The following NSD3 variants were observed in gnomAD, a reference collection of about 807,000 sequenced individuals.
NSD3 encodes histone-lysine N-methyltransferase NSD3.
In NSD3, 24 loss-of-function variants were observed where a neutral mutation model predicts 160.8. The ratio of observed to expected loss-of-function variants is 0.15; its 90% CI spans 0.11 to 0.21. NSD3 has a LOEUF of 0.21. Ranked by LOEUF, NSD3 falls within the 10% of genes least tolerant of loss-of-function variation. NSD3 has a pLI of 1.00. For synonymous variants in NSD3, 520 were observed against 600.0 expected, an observed-to-expected ratio of 0.87 and a Z score of 1.95; for missense variants, 1,157 against 1,735.9, an observed-to-expected ratio of 0.67 and a Z score of 5.93.
intron 18 of NSD3, 135 bp downstream of exon 18, chr8:38,289,258 C>T (rs1419339877): frequency 2.5e-6 from 2 of 807,288 alleles, no homozygotes; most frequent in Admixed American, 5.9e-5. Flanking sequence ...AAAGTTTGCA[C>T]AAGTCAAAGA....
chr8:38,359,219 G>A (rs1168762258), intron 1 of NSD3, among the ~76,000 whole-genome samples: 1 of 152,022 alleles, frequency 6.6e-6, no homozygotes, highest in African/African-American at 2.4e-5. Context: ...AAATAATGGA[G>A]GTAAGTTTTT....
rs762842188 is a variant in NSD3, at chr8:38,305,269, C to G, written c.2419G>C (p.Asp807His). 7 of 1,614,104 alleles carry G rather than the reference C, an allele frequency of 4.3e-6. No homozygotes were observed. In the East Asian group the frequency reaches 1.3e-4, roughly 31 times the overall value. The change falls in exon 13 of 24, where the codon GAT becomes CAT. Residue 807 changes from aspartate (D) to histidine (H), a missense_variant. Physicochemically the swap from Asp to His is moderately conservative, Grantham distance 81. Coordinates refer to ENST00000317025, the MANE Select transcript of NSD3 (RefSeq NM_023034.2). ...TTACCTTTACTTGCTTTGTGGATAT[C>G]TTTCTCCATAGAGCAGGCAGAGCAG... is the stretch of plus-strand genomic sequence containing the variant. ...HCCSACSMEK[D>H]IHKASKGRMM...
At chr8:38,283,344 T>C (rs1447715593) in intron 19 of NSD3, among the ~76,000 whole-genome samples, 1 of 152,130 alleles carries the variant, frequency 6.6e-6, no homozygotes, top group Non-Finnish European at 1.5e-5. Context: ...AATAAATGTC[T>C]TGAAAAACAA....
At position 38,335,036 on chromosome 8, in the gene NSD3, G is replaced by A. The variant is rs1174104769; in HGVS notation, c.910+2269C>T. On this transcript the variant is annotated intron_variant, in intron 4 of 23. Coordinates refer to ENST00000317025, the MANE Select transcript of NSD3 (RefSeq NM_023034.2). ...GTCTCACTCTGTCACCCAGACTGGA[G>A]TGAAGTGGTGGATCTCGGCTCACTG... Among the ~76,000 whole-genome samples, 3 of 148,370 alleles carry A rather than the reference G, an allele frequency of 2.0e-5. No homozygotes were observed. The East Asian group carries it at 6.0e-4, about 30-fold the overall frequency.
intron 1 of NSD3, among the ~76,000 whole-genome samples, chr8:38,374,823 T>C (rs1228740238): frequency 6.6e-6 from 1 of 151,796 alleles, no homozygotes; most frequent in Non-Finnish European, 1.5e-5. Context: ...GCTAACACGG[T>C]GAAAACCCAT....
chr8:38,326,885 CA>C (rs745837979), intron 6 of NSD3, 29 bp from the exon 7 acceptor site: 1 of 1,611,350 alleles, frequency 6.2e-7, no homozygotes, highest in African/African-American at 1.3e-5. Flanking sequence ...GAAAAAACAA[CA>C]AAACAGGTGA....
At position 38,317,447 on chromosome 8, in the gene NSD3, C is replaced by T; in HGVS notation, c.1856-1405G>A. On this transcript the variant is annotated intron_variant, in intron 9 of 23. Transcript: ENST00000317025. The surrounding 1 kb of genome is among the most constrained non-coding windows in gnomAD (Gnocchi z 5.3). ...GGAACAGGAGTGCTGTACTGAGAGG[C>T]TTTCGAAGGGAAACACAGGTACCGC... is the stretch of plus-strand genomic sequence containing the variant. 9.5e-7 allele frequency: 1 copy of T among 1,057,282 alleles called. No individual in the cohort carries two copies. Among genetic ancestry groups the T allele is most frequent in the Non-Finnish European group, 1.1e-6 (1 of 874,284 alleles). 65.5% of individuals were successfully genotyped at this position (1,057,282 alleles called of 1,614,324 possible). A position where few individuals can be genotyped will look rare whatever the true frequency, so the allele number is the denominator to read the frequency against.
chr8:38,373,796 A>T (rs72630617), intron 1 of NSD3, among the ~76,000 whole-genome samples: 33,752 of 151,754 alleles, frequency 0.22, 4,004 homozygotes, highest in East Asian at 0.31. Context: ...CTACAAAAAA[A>T]TTTTAAAAAA....
intron 12 of NSD3, among the ~76,000 whole-genome samples, chr8:38,309,012 A>G (rs1391575069): frequency 6.6e-6 from 1 of 151,900 alleles, no homozygotes; most frequent in Non-Finnish European, 1.5e-5. Flanking sequence ...TTTCATTAAG[A>G]ACAAGTCAGT....
intron 14 of NSD3, among the ~76,000 whole-genome samples, chr8:38,302,826 G>A (rs187239586): frequency 5.9e-5 from 9 of 152,170 alleles, no homozygotes; most frequent in Non-Finnish European, 5.9e-5. Flanking sequence ...GTAGAGATGG[G>A]GTCTTGCTAT....
intron 1 of NSD3, among the ~76,000 whole-genome samples, chr8:38,350,692 G>T (rs940452090): frequency 6.6e-6 from 1 of 151,990 alleles, no homozygotes; most frequent in Non-Finnish European, 1.5e-5. Flanking sequence ...TGGGGTCCTG[G>T]GCATAAGTTT....
At chr8:38,315,605 T>C in intron 10 of NSD3, 61 bp from the exon 11 acceptor site, 2 of 1,593,704 alleles carry the variant, frequency 1.3e-6, no homozygotes, top group Non-Finnish European at 8.5e-7. Context: ...CAAGATAAGA[T>C]GCTATGAAAA....
chr8:38,299,398 T>C (rs1226593865), intron 15 of NSD3, 46 bp downstream of exon 15: 2 of 1,573,652 alleles, frequency 1.3e-6, no homozygotes, highest in East Asian at 2.3e-5. Context: ...GAGAAAAAAA[T>C]AGGAAATGCA....
intron 2 of NSD3, among the ~76,000 whole-genome samples, chr8:38,340,723 T>G (rs149992216): frequency 5.0e-4 from 76 of 152,120 alleles, no homozygotes; most frequent in Admixed American, 1.4e-3. Context: ...CACTTCACAG[T>G]GCCTAGGACG....
Position 38,272,101 on chromosome 8 carries a change from C to T in NSD3, c.*3540G>A, listed in dbSNP as rs1255392404. ...GCCTGTCCCATCTGAGGGTCCTTTA[C>T]ATGATTAGATACTCAATATCTCAGT... is the stretch of plus-strand genomic sequence containing the variant. On this transcript the variant is annotated 3_prime_UTR_variant, in exon 24 of 24. Coordinates refer to ENST00000317025, the MANE Select transcript of NSD3 (RefSeq NM_023034.2). 1 of 152,200 alleles carries T rather than the reference C, an allele frequency of 6.6e-6. No individual in the cohort carries two copies. The highest frequency in any genetic ancestry group is 2.4e-5 in the African/African-American group (1 of 41,438). The allele number at this position is 152,200 out of a possible 1,614,324, so 9.4% of individuals were successfully genotyped here.
intron 20 of NSD3, among the ~76,000 whole-genome samples, chr8:38,280,557 T>C (rs953171462): frequency 4.6e-5 from 7 of 152,172 alleles, no homozygotes; most frequent in African/African-American, 1.7e-4. Context: ...CTAGTCTTGG[T>C]TCTTAAAAGT....
intron 15 of NSD3, among the ~76,000 whole-genome samples, chr8:38,297,205 C>T (rs542588024): frequency 6.6e-6 from 1 of 152,240 alleles, no homozygotes; most frequent in Admixed American, 6.5e-5. Context: ...ATTCCAAGTT[C>T]CCTATCAAAA....
At chr8:38,363,814 A>C (rs1329299480) in intron 1 of NSD3, 1 of 152,208 alleles carries the variant, frequency 6.6e-6, no homozygotes, top group Non-Finnish European at 1.5e-5. Flanking sequence ...TAAGCCATTA[A>C]GTTTGTTGTA....
intron 12 of NSD3, among the ~76,000 whole-genome samples, chr8:38,312,827 T>C (rs1339079638): frequency 1.3e-5 from 2 of 152,208 alleles, no homozygotes; most frequent in African/African-American, 4.8e-5. Context: ...CTTAAACGTC[T>C]TTTCTTTATA....
Sources: allele counts gnomAD v4.1 joint callset (sites outside exome capture counted in the v4.1 genomes callset), GRCh38; gene constraint gnomAD v4.1.1; non-coding constraint Gnocchi (gnomAD v3.1); transcripts MANE v1.5; gene names NCBI Gene and HGNC (gene_info 2026-07-23, HGNC 2026-07-21).